Variants in PIGN observed in about 807,000 individuals in gnomAD.
The protein encoded by PIGN is GPI ethanolamine phosphate transferase 1.
Under a neutral mutation model 125.4 loss-of-function variants are expected in PIGN, and 117 were observed. The observed-to-expected ratio is 0.93, with a 90% CI of 0.80 to 1.09. The LOEUF is 1.09. Among genes scored for constraint, PIGN ranks in the 50% least tolerant of loss-of-function variants. The pLI is 0.00. For missense variants in PIGN, 1,075 were observed against 1,094.9 expected, an observed-to-expected ratio of 0.98 and a Z score of 0.26; for synonymous variants, 392 against 377.8, an observed-to-expected ratio of 1.04 and a Z score of -0.44.
At chr18:62,030,688 A>T (rs1223706884) in intron 23 of PIGN, among the ~76,000 whole-genome samples, 1 of 152,234 alleles carries the variant, frequency 6.6e-6, no homozygotes, top group East Asian at 1.9e-4. Context: ...TTGAACTCTG[A>T]TACTCAAACT....
intron 30 of PIGN, among the ~76,000 whole-genome samples, chr18:62,050,871 T>C (rs989603383): frequency 6.6e-6 from 1 of 151,104 alleles, no homozygotes; most frequent in African/African-American, 2.4e-5. Flanking sequence ...TTGAGATACG[T>C]CCCATCAATA....
At chr18:62,120,647 A>G (rs955307969) in intron 14 of PIGN, among the ~76,000 whole-genome samples, 6 of 152,126 alleles carry the variant, frequency 3.9e-5, no homozygotes, top group African/African-American at 1.4e-4. Context: ...TATTAAACTA[A>G]TAATGTGCCC....
intron 25 of PIGN, 33 bp from the exon 26 acceptor site, chr18:62,085,297 C>T (rs1423923553): frequency 1.1e-5 from 16 of 1,412,670 alleles, no homozygotes; most frequent in Non-Finnish European, 1.6e-5. Flanking sequence ...CAAAACAACT[C>T]AGATTTCATA....
intron 30 of PIGN, among the ~76,000 whole-genome samples, chr18:62,051,297 T>G (rs1365358144): frequency 6.6e-6 from 1 of 152,254 alleles, no homozygotes. Flanking sequence ...TCCTTAAACC[T>G]CTGGTAGAAT....
chr18:62,084,828 C>T (rs1308631231), intron 26 of PIGN, among the ~76,000 whole-genome samples: 3 of 152,172 alleles, frequency 2.0e-5, no homozygotes. Flanking sequence ...AAGGTGCAGG[C>T]TGGGTGCCGT....
chr18:62,177,032 C>A (rs1005096924), intron 1 of PIGN, among the ~76,000 whole-genome samples: 2 of 151,934 alleles, frequency 1.3e-5, no homozygotes, highest in African/African-American at 4.8e-5. Context: ...TATAAACCAC[C>A]GCAAGTTTTA....
intron 1 of PIGN, among the ~76,000 whole-genome samples, chr18:62,171,069 A>G (rs1052589255): frequency 1.2e-4 from 19 of 152,204 alleles, no homozygotes; most frequent in Non-Finnish European, 2.4e-4. Flanking sequence ...GAATGGAGTT[A>G]AATCCACAGA....
chr18:62,142,959 C>T (rs1255879675), intron 11 of PIGN, among the ~76,000 whole-genome samples: 1 of 152,084 alleles, frequency 6.6e-6, no homozygotes, highest in African/African-American at 2.4e-5. Context: ...CTATAGGAAA[C>T]AAACCCATAA....
chr18:62,051,095 C>T (rs552372148), intron 30 of PIGN, among the ~76,000 whole-genome samples: 2,876 of 147,366 alleles, frequency 0.02, 70 homozygotes, highest in African/African-American at 0.05. Flanking sequence ...CTGCTGGATT[C>T]GGTTTGCCAG....
intron 30 of PIGN, among the ~76,000 whole-genome samples, chr18:62,061,453 C>T (rs1368310116): frequency 1.5e-5 from 1 of 68,736 alleles, no homozygotes; most frequent in African/African-American, 4.4e-5. Flanking sequence ...TGCAGTGAGC[C>T]GAGATTGTGC....
intron 23 of PIGN, among the ~76,000 whole-genome samples, chr18:62,093,481 T>C (rs2034054437): frequency 6.6e-6 from 1 of 152,006 alleles, no homozygotes; most frequent in Non-Finnish European, 1.5e-5. Flanking sequence ...TCTGTGAAAA[T>C]TGAATAGGGC....
At chr18:62,039,668 T>C (rs1210586878), downstream of PIGN, among the ~76,000 whole-genome samples, 1 of 116,674 alleles carries the variant, frequency 8.6e-6, no homozygotes, top group East Asian at 2.4e-4. Context: ...CCGCACCCCA[T>C]GTTTAGGGCC....
At chr18:62,118,255 G>A (rs1454532634) in intron 14 of PIGN, among the ~76,000 whole-genome samples, 1 of 151,950 alleles carries the variant, frequency 6.6e-6, no homozygotes, top group African/African-American at 2.4e-5. Flanking sequence ...TTTATTGTGT[G>A]CATGCATTAC....
chr18:62,022,284 A>G (rs2030062431), intron 23 of PIGN, among the ~76,000 whole-genome samples: 1 of 152,244 alleles, frequency 6.6e-6, no homozygotes, highest in Admixed American at 6.5e-5. Context: ...CTTGGAAGTC[A>G]TAATTAAGCT....
At position 62,146,923 on chromosome 18, in the gene PIGN, T is replaced by G. The variant is rs889824669; in HGVS notation, c.805+48A>C. ...TCATAAAATATTTACCAGCTACATTTATCACTACTTTAATTGTAAGGTACA... is the reference window on the plus strand; with the variant it reads ...TCATAAAATATTTACCAGCTACATTGATCACTACTTTAATTGTAAGGTACA... On this transcript the variant is annotated intron_variant, in intron 9 of 30. Coordinates refer to ENST00000640252, the MANE Select transcript of PIGN (RefSeq NM_176787.5). 6 of 1,577,106 alleles carry G rather than the reference T, an allele frequency of 3.8e-6. No individual in the cohort carries two copies. In the South Asian group the frequency reaches 5.7e-5, roughly 15 times the overall value.
rs1010289047 is a variant in PIGN, at chr18:62,147,324, G to A, written c.675-223C>T. On this transcript the variant is annotated intron_variant, in intron 8 of 30. Transcript: ENST00000640252. ...TTTCAAAGATGGCTTAAAAGGAGGGGAATGATTAACAAATATATTTTAATA... is the reference window on the plus strand; with the variant it reads ...TTTCAAAGATGGCTTAAAAGGAGGGAAATGATTAACAAATATATTTTAATA... 2.0e-5 allele frequency among the ~76,000 whole-genome samples: 3 copies of A among 152,142 alleles called. 1 individual carries two copies. The highest frequency in any genetic ancestry group is 6.3e-3 in the Middle Eastern group (2 of 316).
Position 62,140,480 on chromosome 18 carries a change from C to G in PIGN, c.964-1G>C. The G allele has an allele frequency of 6.5e-7, 1 of 1,528,440 alleles. No individual in the cohort carries two copies. The highest frequency in any genetic ancestry group is 9.0e-7 in the Non-Finnish European group (1 of 1,115,852). 94.7% of individuals were successfully genotyped at this position (1,528,440 alleles called of 1,614,324 possible). On this transcript the variant is annotated splice_acceptor_variant, in intron 11 of 30. Coordinates refer to ENST00000640252, the MANE Select transcript of PIGN (RefSeq NM_176787.5). LOFTEE classifies it high-confidence loss of function. ...AAGTCATCAATGGTGCAATATCAGC[C>G]TACAAATAAAAAAGCTCAATTCTAA...
chr18:62,067,178 C>G (rs973836636), intron 30 of PIGN, among the ~76,000 whole-genome samples: 1 of 152,094 alleles, frequency 6.6e-6, no homozygotes, highest in African/African-American at 2.4e-5. Context: ...TGGTGGTTAC[C>G]CCCCTAATAT....
intron 1 of PIGN, among the ~76,000 whole-genome samples, chr18:62,172,627 AATGT>A (rs1473983183): frequency 1.3e-5 from 2 of 152,140 alleles, no homozygotes; most frequent in Non-Finnish European, 2.9e-5. Flanking sequence ...TGTAAATGCA[AATGT>A]ATATTTGCAT....
Sources: allele counts gnomAD v4.1 joint callset (sites outside exome capture counted in the v4.1 genomes callset), GRCh38; gene constraint gnomAD v4.1.1; transcripts MANE v1.5; gene names NCBI Gene and HGNC (gene_info 2026-07-23, HGNC 2026-07-21).